ZFYVE9: variants seen among roughly 807,000 people sequenced by gnomAD.
ZFYVE9 encodes the protein zinc finger FYVE domain-containing protein 9.
ZFYVE9 carries 43 observed loss-of-function variants against 126.7 expected under a neutral mutation model. The ratio of observed to expected loss-of-function variants is 0.34; its 90% CI spans 0.27 to 0.44. The LOEUF is 0.44. Ranked by LOEUF, ZFYVE9 falls within the 20% of genes least tolerant of loss-of-function variation. ZFYVE9 has a pLI of 1.00. For synonymous variants in ZFYVE9, 521 were observed against 597.4 expected, an observed-to-expected ratio of 0.87 and a Z score of 1.87; for missense variants, 1,476 against 1,697.0, an observed-to-expected ratio of 0.87 and a Z score of 2.29.
At chr1:52,149,232 A>G (rs547866996) in intron 1 of ZFYVE9, among the ~76,000 whole-genome samples, 11 of 151,950 alleles carry the variant, frequency 7.2e-5, no homozygotes, top group Non-Finnish European at 8.8e-5. Context: ...TACTCAAACA[A>G]TGGTTCCCTG....
At chr1:52,154,888 CA>C (rs1459772936) in intron 1 of ZFYVE9, among the ~76,000 whole-genome samples, 4 of 152,140 alleles carry the variant, frequency 2.6e-5, no homozygotes, top group African/African-American at 9.7e-5. Flanking sequence ...TACTTATAAG[CA>C]AAACTTTGGC....
At chr1:52,295,648 C>A (rs1167390462) in intron 11 of ZFYVE9, among the ~76,000 whole-genome samples, 1 of 152,082 alleles carries the variant, frequency 6.6e-6, no homozygotes, top group African/African-American at 2.4e-5. Context: ...CAAGCATGAG[C>A]CACTATGCCT....
At chr1:52,225,325 T>C (rs1236693379) in intron 2 of ZFYVE9, among the ~76,000 whole-genome samples, 3 of 152,160 alleles carry the variant, frequency 2.0e-5, no homozygotes, top group Admixed American at 1.3e-4. Flanking sequence ...AGATAATCAC[T>C]AGCCCCTCCC....
intron 1 of ZFYVE9, among the ~76,000 whole-genome samples, chr1:52,196,571 A>G (rs1053746345): frequency 5.3e-5 from 8 of 152,326 alleles, no homozygotes; most frequent in Non-Finnish European, 1.2e-4. Context: ...CAGGAGGCAG[A>G]GGTTGCAGTG....
chr1:52,182,059 C>T (rs1557442623), intron 1 of ZFYVE9, among the ~76,000 whole-genome samples: 3 of 151,458 alleles, frequency 2.0e-5, no homozygotes, highest in Admixed American at 2.0e-4. Flanking sequence ...GGGGGTCAGC[C>T]CCTCGCCCGG....
intron 4 of ZFYVE9, among the ~76,000 whole-genome samples, chr1:52,250,239 G>A (rs1269691535): frequency 6.6e-6 from 1 of 152,166 alleles, no homozygotes; most frequent in Non-Finnish European, 1.5e-5. Flanking sequence ...TCTAGTCCAT[G>A]AACATGGAAT....
At chr1:52,197,975 G>A (rs1013562945) in intron 1 of ZFYVE9, among the ~76,000 whole-genome samples, 1 of 152,164 alleles carries the variant, frequency 6.6e-6, no homozygotes, top group African/African-American at 2.4e-5. Context: ...CAGAATTTGA[G>A]TGAGAGGTGA....
chr1:52,336,359 GTTTTTTTTGTTTTTTTTT>G (rs556452581), intron 15 of ZFYVE9, among the ~76,000 whole-genome samples: 4,493 of 95,256 alleles, frequency 0.047, 263 homozygotes, highest in African/African-American at 0.13. Context: ...AATCTAAGAG[GTTTTTTTTGTTTTTTTTT>G]TTTTTTTTTT....
At position 52,150,753 on chromosome 1, in the gene ZFYVE9, CAG is replaced by C. The variant is rs200506286; in HGVS notation, c.-143+8351_-143+8352del. ...CGCCACTGCACGCCAGCCTGGGCAA[CAG>C]GGGAACATACTGTCTTAAAAAAAAA... is the stretch of plus-strand genomic sequence containing the variant. On this transcript the variant is annotated intron_variant, in intron 1 of 18. Transcript: ENST00000287727. 2.6e-3 allele frequency among the ~76,000 whole-genome samples: 378 copies of C among 146,362 alleles called. 12 individuals carry two copies. The South Asian group carries it at 0.044, about 17-fold the overall frequency.
At chr1:52,225,109 C>A (rs750689653) in intron 2 of ZFYVE9, among the ~76,000 whole-genome samples, 1 of 152,184 alleles carries the variant, frequency 6.6e-6, no homozygotes, top group Non-Finnish European at 1.5e-5. Context: ...GAGATCCCAA[C>A]CACCAAGGAA....
intron 1 of ZFYVE9, among the ~76,000 whole-genome samples, chr1:52,214,758 C>A (rs545072376): frequency 2.6e-4 from 39 of 152,240 alleles, no homozygotes; most frequent in African/African-American, 8.7e-4. Context: ...TGTCTGCAAG[C>A]TGGAGACCCA....
chr1:52,330,864 TTTTTA>T, intron 13 of ZFYVE9, among the ~76,000 whole-genome samples: 1 of 152,084 alleles, frequency 6.6e-6, no homozygotes, highest in East Asian at 1.9e-4. Flanking sequence ...CACTACAACT[TTTTTA>T]TTTTATTTTT....
intron 1 of ZFYVE9, among the ~76,000 whole-genome samples, chr1:52,175,588 C>G (rs1168217622): frequency 6.6e-6 from 1 of 151,092 alleles, no homozygotes; most frequent in Admixed American, 6.6e-5. Context: ...TGGATAATAT[C>G]CTGCAGAGTG....
chr1:52,346,329 T>TG lies in ZFYVE9; in HGVS notation c.*112dup. 8.1e-6 allele frequency: 2 copies of TG among 246,258 alleles called. No homozygotes were observed. The highest frequency in any genetic ancestry group is 1.5e-5 in the Non-Finnish European group (2 of 135,674). 15.3% of individuals were successfully genotyped at this position (246,258 alleles called of 1,614,324 possible). Reference sequence around the variant, plus strand: ...ATTAAGCTTTTGTTAACACTATTAATGGGGTGGGGAATAGGGTGGGAGTGG... The same window carrying TG: ...ATTAAGCTTTTGTTAACACTATTAATGGGGGTGGGGAATAGGGTGGGAGTGG... On this transcript the variant is annotated 3_prime_UTR_variant, in exon 19 of 19. Coordinates refer to ENST00000287727, the MANE Select transcript of ZFYVE9 (RefSeq NM_004799.4).
intron 7 of ZFYVE9, among the ~76,000 whole-genome samples, chr1:52,270,303 G>A (rs556231185): frequency 3.9e-5 from 6 of 151,996 alleles, no homozygotes; most frequent in South Asian, 2.1e-4. Flanking sequence ...TTGCTCTGTC[G>A]CCCAGGCTGG....
intron 13 of ZFYVE9, among the ~76,000 whole-genome samples, chr1:52,310,155 G>T (rs1253297255): frequency 6.6e-6 from 1 of 151,992 alleles, no homozygotes; most frequent in Non-Finnish European, 1.5e-5. Context: ...TGTTAATAGG[G>T]ATGAGATTTC....
At chr1:52,265,759 G>T (rs1285203470) in intron 5 of ZFYVE9, among the ~76,000 whole-genome samples, 5 of 152,150 alleles carry the variant, frequency 3.3e-5, no homozygotes, top group Non-Finnish European at 7.3e-5. Flanking sequence ...TTCAGAAAAA[G>T]ATTGAGATGT....
intron 2 of ZFYVE9, among the ~76,000 whole-genome samples, chr1:52,228,997 C>T (rs1645194056): frequency 6.6e-6 from 1 of 151,744 alleles, no homozygotes; most frequent in Non-Finnish European, 1.5e-5. Context: ...TTAAGCGATT[C>T]TCCTACCTCA....
Position 52,281,434 on chromosome 1 carries a change from C to T in ZFYVE9, c.2870-227C>T, listed in dbSNP as rs369020564. ...AGGCGTGAGCCACCTCGGCCGTCCTCAATCATTTTTCCAAGTGTTTAGAAA... is the reference window on the plus strand; with the variant it reads ...AGGCGTGAGCCACCTCGGCCGTCCTTAATCATTTTTCCAAGTGTTTAGAAA... On this transcript the variant is annotated intron_variant, in intron 9 of 18. Transcript: ENST00000287727. 2.6e-5 allele frequency among the ~76,000 whole-genome samples: 4 copies of T among 152,208 alleles called. No homozygotes were observed. The South Asian group carries it at 8.3e-4, about 32-fold the overall frequency.
Sources: gnomAD v4.1 joint callset for allele counts (sites outside exome capture counted in the v4.1 genomes callset) on GRCh38, gnomAD v4.1.1 for gene constraint, MANE v1.5 for transcripts, NCBI Gene and HGNC (gene_info 2026-07-23, HGNC 2026-07-21) for gene names.